Variants in KCNG2 observed in about 807,000 individuals in gnomAD.
The protein encoded by KCNG2 is voltage-gated potassium channel regulatory subunit KCNG2.
KCNG2 carries 7 observed loss-of-function variants against 12.3 expected under a neutral mutation model. The ratio of observed to expected loss-of-function variants is 0.57; its 90% CI spans 0.32 to 1.07. KCNG2 has a LOEUF of 1.07. KCNG2 is among the 50% of genes least tolerant of loss of function. The probability of loss-of-function intolerance (pLI) is 0.04; values close to 1 mark genes in which losing one functional copy is unlikely to be tolerated. For missense variants in KCNG2, 703 were observed against 726.0 expected (o/e 0.97, Z 0.36); for synonymous variants, 414 against 351.4 (o/e 1.18, Z -1.99).
chr18:79,888,542 C>T lies in KCNG2; in HGVS notation c.625-10498C>T, dbSNP rs905851214. Among the ~76,000 whole-genome samples the T allele has an allele frequency of 4.4e-4, 67 of 151,696 alleles. 1 individual carries two copies. The highest frequency in any genetic ancestry group is 1.3e-3 in the African/African-American group (53 of 41,428). On this transcript the variant is annotated intron_variant, in intron 3 of 3. Transcript: ENST00000316249. ...GACGGCGGCGTCCTCCTCATGAGGC[C>T]GCGGTGGGGCTGGGACGGCGGCGTC...
rs145327075 is a variant in KCNG2 at position 79,800,232 on chromosome 18, G to C, written c.-115+2218G>C. On this transcript the variant is annotated intron_variant, in intron 1 of 3. Coordinates refer to ENST00000316249, the MANE Select transcript of KCNG2 (RefSeq NM_012283.2). The surrounding 1 kb of genome is among the most constrained non-coding windows in gnomAD (Gnocchi z 4.0). Reference sequence around the variant, plus strand: ...GGAGGGGTGGTAGGGCCTGCAGGACGAGGACACGCAGGGCATCCAGGGACG... The same window carrying C: ...GGAGGGGTGGTAGGGCCTGCAGGACCAGGACACGCAGGGCATCCAGGGACG... 4.1e-3 allele frequency among the ~76,000 whole-genome samples: 619 copies of C among 152,278 alleles called. 5 individuals carry two copies. Among genetic ancestry groups the C allele is most frequent in the South Asian group, 0.012 (59 of 4,830 alleles).
chr18:79,867,973 C>T (rs1041449037), intron 3 of KCNG2, among the ~76,000 whole-genome samples: 4 of 152,180 alleles, frequency 2.6e-5, no homozygotes, highest in Admixed American at 6.5e-5. Flanking sequence ...GTTTGGAAGT[C>T]GGCTGCTGCC....
At chr18:79,821,810 A>G (rs914972332) in intron 1 of KCNG2, among the ~76,000 whole-genome samples, 3 of 152,236 alleles carry the variant, frequency 2.0e-5, no homozygotes, top group African/African-American at 7.2e-5. Context: ...AGGCCAGGCC[A>G]TGCATCTTGA....
intron 3 of KCNG2, chr18:79,876,367 A>C (rs1303751246): frequency 6.6e-6 from 1 of 152,508 alleles, no homozygotes; most frequent in African/African-American, 2.4e-5. Flanking sequence ...CTGTGTGGGC[A>C]CTTGGTGGGG....
At chr18:79,810,595 C>T (rs1447727070) in intron 1 of KCNG2, among the ~76,000 whole-genome samples, 2 of 151,512 alleles carry the variant, frequency 1.3e-5, no homozygotes, top group Admixed American at 1.3e-4. Flanking sequence ...TAGCAAGACC[C>T]TGTCTCTAAA....
chr18:79,861,273 C>CTT (rs56348625), intron 2 of KCNG2, among the ~76,000 whole-genome samples: 62 of 76,990 alleles, frequency 8.1e-4, no homozygotes, highest in African/African-American at 2.7e-3. Flanking sequence ...CTCTCTCTCT[C>CTT]TTTTTTTTTT....
In KCNG2 at chr18:79,863,488, G is replaced by A. The variant is rs370382156; in HGVS notation, c.-40-140G>A. Among the ~76,000 whole-genome samples the A allele has an allele frequency of 3.9e-5, 6 of 152,362 alleles. No homozygotes were observed. The East Asian group carries it at 9.7e-4, about 25-fold the overall frequency. On this transcript the variant is annotated intron_variant, in intron 2 of 3. Coordinates refer to ENST00000316249, the MANE Select transcript of KCNG2 (RefSeq NM_012283.2). ...AGGTGCAGAGGTCGGGCCTGCGGAG[G>A]AGTGGGAAGTGGGCGGGCGGAGGGG...
chr18:79,865,292 G>T (rs1480846625), intron 3 of KCNG2, among the ~76,000 whole-genome samples: 1 of 141,414 alleles, frequency 7.1e-6, no homozygotes, highest in African/African-American at 2.7e-5. Context: ...AGAGGTCTGT[G>T]TGCTGAGGTC....
chr18:79,848,066 C>A (rs1392691412), intron 1 of KCNG2, among the ~76,000 whole-genome samples: 1 of 152,102 alleles, frequency 6.6e-6, no homozygotes, highest in East Asian at 1.9e-4. Context: ...TGACCTGGGG[C>A]CCTGAGCACA....
intron 2 of KCNG2, among the ~76,000 whole-genome samples, chr18:79,860,789 T>C (rs12963180): frequency 0.35 from 53,617 of 152,040 alleles, 11,227 homozygotes; most frequent in Non-Finnish European, 0.45. Flanking sequence ...CTTTTGAGTG[T>C]GGATGCCTTT....
chr18:79,845,056 G>A (rs1318971011), intron 1 of KCNG2, among the ~76,000 whole-genome samples: 1 of 152,166 alleles, frequency 6.6e-6, no homozygotes, highest in Non-Finnish European at 1.5e-5. Flanking sequence ...AAACTCTGGT[G>A]CATCCATCCC....
intron 1 of KCNG2, among the ~76,000 whole-genome samples, chr18:79,837,147 A>C (rs1040519922): frequency 2.6e-5 from 4 of 152,222 alleles, no homozygotes; most frequent in African/African-American, 4.8e-5. Context: ...AAATTGGCCA[A>C]AAAAGGGGGC....
chr18:79,852,502 C>T (rs934448708), intron 1 of KCNG2, among the ~76,000 whole-genome samples: 1 of 152,280 alleles, frequency 6.6e-6, no homozygotes, highest in African/African-American at 2.4e-5. Context: ...CCTTAGCTCT[C>T]AGCCCCTGCA....
intron 1 of KCNG2, among the ~76,000 whole-genome samples, chr18:79,847,244 A>T (rs372092773): frequency 9.9e-5 from 15 of 152,040 alleles, no homozygotes; most frequent in African/African-American, 3.6e-4. Flanking sequence ...GTGCCTTGGG[A>T]TGTGGGGCTT....
rs115423875 is a variant in KCNG2 at position 79,804,500 on chromosome 18, C to T, written c.-115+6486C>T. Among the ~76,000 whole-genome samples, 380 of 152,350 alleles carry T rather than the reference C, an allele frequency of 2.5e-3. 2 individuals carry two copies. The highest frequency in any genetic ancestry group is 8.6e-3 in the African/African-American group (359 of 41,574). On this transcript the variant is annotated intron_variant, in intron 1 of 3. Coordinates refer to ENST00000316249, the MANE Select transcript of KCNG2 (RefSeq NM_012283.2). ...GCTGTGGGGGGCCCTCCCATGGGTG[C>T]TCAGGTGCACCCGTGGCCGGTCCTG...
intron 3 of KCNG2, among the ~76,000 whole-genome samples, chr18:79,885,929 C>T (rs1268870315): frequency 0.013 from 172 of 12,974 alleles, 71 homozygotes; most frequent in South Asian, 0.097. Flanking sequence ...GAACATGGGA[C>T]GTGGGGACAG....
intron 1 of KCNG2, among the ~76,000 whole-genome samples, chr18:79,847,855 A>G (rs1187320791): frequency 6.6e-6 from 1 of 152,234 alleles, no homozygotes; most frequent in East Asian, 1.9e-4. Flanking sequence ...GTGGTGACAC[A>G]ATGCCCGAGG....
chr18:79,864,102 C>A lies in KCNG2; in HGVS notation c.435C>A (p.Ser145Arg), dbSNP rs1190045394. The A allele has an allele frequency of 6.3e-6, 7 of 1,107,988 alleles. No homozygotes were observed. The East Asian group carries it at 4.2e-4, about 66-fold the overall frequency. The allele number at this position is 1,107,988 out of a possible 1,614,324, so 68.6% of individuals were successfully genotyped here. Residue 145 changes from serine to arginine, a missense_variant, in exon 3 of 4, where the codon AGC becomes AGA. Physicochemically the swap from Ser to Arg is moderately radical, Grantham distance 110. Transcript: ENST00000316249. ...AGPTERGAQG[S>R]PARALGPRGR... Reference sequence around the variant, plus strand: ...CGACGGAGCGCGGGGCGCAGGGGAGCCCGGCGCGCGCCCTGGGACCTCGGG... The same window carrying A: ...CGACGGAGCGCGGGGCGCAGGGGAGACCGGCGCGCGCCCTGGGACCTCGGG...
rs1308418724 is a variant in KCNG2, at chr18:79,899,688, C to T, written c.1273C>T (p.Pro425Ser). 3 of 1,607,868 alleles carry T rather than the reference C, an allele frequency of 1.9e-6. No homozygotes were observed. The East Asian group carries it at 6.7e-5, about 36-fold the overall frequency. Residue 425 changes from proline to serine, a missense_variant, in exon 4 of 4, where the codon CCC becomes TCC. By Grantham distance (74) the Pro-to-Ser change is moderately conservative. Coordinates refer to ENST00000316249, the MANE Select transcript of KCNG2 (RefSeq NM_012283.2). ...LKEQQQRAAS[P>S]EPALQEDSTH... ...GGAGCAGCAGCAGCGCGCGGCCAGC[C>T]CCGAGCCGGCCCTGCAGGAGGACAG...
Sources: allele counts gnomAD v4.1 joint callset (sites outside exome capture counted in the v4.1 genomes callset), GRCh38; gene constraint gnomAD v4.1.1; non-coding constraint Gnocchi (gnomAD v3.1); transcripts MANE v1.5; gene names NCBI Gene and HGNC (gene_info 2026-07-23, HGNC 2026-07-21).